NISCH: variants seen among roughly 807,000 people sequenced by gnomAD.
The protein encoded by NISCH is nischarin, also known as I-1 receptor candidate protein.
NISCH carries 55 observed loss-of-function variants against 138.4 expected under a neutral mutation model. The ratio of observed to expected loss-of-function variants is 0.40; its 90% CI spans 0.32 to 0.50. NISCH has a LOEUF of 0.50. Among genes scored for constraint, NISCH ranks in the 20% least tolerant of loss-of-function variants. The pLI is 0.71. For missense variants in NISCH, 1,643 were observed against 2,005.5 expected (o/e 0.82, Z 3.45); for synonymous variants, 860 against 861.5 (o/e 1.00, Z 0.03).
chr3:52,457,079 A>G (rs1209037582), intron 1 of NISCH, among the ~76,000 whole-genome samples: 1 of 152,200 alleles, frequency 6.6e-6, no homozygotes, highest in African/African-American at 2.4e-5. Context: ...AGGCCCATGT[A>G]CAAAGCATTT....
intron 2 of NISCH, among the ~76,000 whole-genome samples, 185 bp downstream of exon 2, chr3:52,458,111 A>C (rs1030632728): frequency 2.0e-5 from 3 of 152,282 alleles, no homozygotes; most frequent in Admixed American, 2.0e-4. Flanking sequence ...CAGCTCTAGC[A>C]TGAGCCACTC....
chr3:52,455,806 G>T, intron 1 of NISCH, 72 bp downstream of exon 1: 2 of 1,141,716 alleles, frequency 1.8e-6, no homozygotes, highest in Non-Finnish European at 2.3e-6. Context: ...GGGGCTTGGG[G>T]AGGGGTCCGG....
At chr3:52,465,595 G>A (rs1016197661) in intron 3 of NISCH, among the ~76,000 whole-genome samples, 13 of 152,296 alleles carry the variant, frequency 8.5e-5, no homozygotes, top group East Asian at 5.8e-4. Flanking sequence ...TCCTGGACGC[G>A]TGGTGACAGG....
In NISCH at chr3:52,478,483, G is replaced by C. The variant is rs1156463416; in HGVS notation, c.1208G>C (p.Cys403Ser). The change falls in exon 11 of 21, where the codon TGT (cysteine) becomes TCT (serine). Residue 403 changes from cysteine to serine, a missense_variant. Physicochemically the swap from Cys to Ser is moderately radical, Grantham distance 112. Coordinates refer to ENST00000345716, the MANE Select transcript of NISCH (RefSeq NM_007184.4). ...GTCCGGAGCATAGGCAGCCTCCCGT[G>C]TCTGGAGCACGTGTCTCTGCTGAAC... is the stretch of plus-strand genomic sequence containing the variant. ...EEVRSIGSLP[C>S]LEHVSLLNNP... 5 of 1,614,102 alleles carry C rather than the reference G, an allele frequency of 3.1e-6. No homozygotes were observed. Among genetic ancestry groups the C allele is most frequent in the Non-Finnish European group, 4.2e-6 (5 of 1,180,038 alleles).
intron 1 of NISCH, among the ~76,000 whole-genome samples, chr3:52,456,422 C>T (rs1266939616): frequency 6.6e-6 from 1 of 152,100 alleles, no homozygotes; most frequent in South Asian, 2.1e-4. Flanking sequence ...AACAAGCTGC[C>T]CACACACACT....
At chr3:52,469,786 A>T (rs1462276727) in intron 3 of NISCH, among the ~76,000 whole-genome samples, 1 of 152,010 alleles carries the variant, frequency 6.6e-6, no homozygotes, top group Non-Finnish European at 1.5e-5. Context: ...ATCTTGGCAC[A>T]TGCCTGTACT....
rs774024488 is a variant in NISCH, at chr3:52,489,571, G to A, written c.3349G>A (p.Glu1117Lys). ...TGAGCACCTCATCCAGGCCACCTCG[G>A]AGGAGAATCAGATCCCCTCGCACTT... ...PSEHLIQATS[E>K]ENQIPSHLPA... The change falls in exon 17 of 21, where the codon GAG becomes AAG. Residue 1117 changes from glutamate to lysine, a missense_variant. Glu to Lys is a moderately conservative substitution (Grantham distance 56). Transcript: ENST00000345716. 2 of 1,613,274 alleles carry A rather than the reference G, an allele frequency of 1.2e-6. No homozygotes were observed. Among genetic ancestry groups the A allele is most frequent in the South Asian group, 2.2e-5 (2 of 91,092 alleles).
intron 3 of NISCH, among the ~76,000 whole-genome samples, chr3:52,462,704 C>T (rs1373641465): frequency 2.0e-5 from 3 of 151,934 alleles, no homozygotes; most frequent in Non-Finnish European, 2.9e-5. Context: ...GGTACGATCT[C>T]GGCTCACTGC....
In NISCH at chr3:52,487,360, A is replaced by G; in HGVS notation, c.1868A>G (p.Glu623Gly). 1 of 1,614,110 alleles carries G rather than the reference A, an allele frequency of 6.2e-7. No individual in the cohort carries two copies. The highest frequency in any genetic ancestry group is 8.5e-7 in the Non-Finnish European group (1 of 1,180,038). Residue 623 changes from glutamate (E) to glycine (G), a missense_variant, in exon 16 of 21, where the codon GAG becomes GGG. Glu to Gly is a moderately conservative substitution (Grantham distance 98). Transcript: ENST00000345716. The surrounding 1 kb of genome is among the most constrained non-coding windows in gnomAD (Gnocchi z 9.1). ...AIERQLPAWI[E>G]AANQREEGQG... Reference sequence around the variant, plus strand: ...GAGCGGCAGCTGCCTGCCTGGATCGAGGCTGCCAACCAGCGGGAGGAGGGC... The same window carrying G: ...GAGCGGCAGCTGCCTGCCTGGATCGGGGCTGCCAACCAGCGGGAGGAGGGC...
chr3:52,491,437 G>C lies in NISCH; in HGVS notation c.3828G>C (p.Leu1276=). 2 of 1,613,480 alleles carry C rather than the reference G, an allele frequency of 1.2e-6. No homozygotes were observed. The highest frequency in any genetic ancestry group is 1.7e-6 in the Non-Finnish European group (2 of 1,179,996). The change falls in exon 20 of 21, where the codon CTG becomes CTC. Residue 1276 remains leucine (L), a synonymous_variant. Coordinates refer to ENST00000345716, the MANE Select transcript of NISCH (RefSeq NM_007184.4). ...TCCTCCAGCACCTCATGGTCGTGCTGTCCTCTCTGGAACGCACGCCCTCGC... is the reference window on the plus strand; with the variant it reads ...TCCTCCAGCACCTCATGGTCGTGCTCTCCTCTCTGGAACGCACGCCCTCGC... The part of the protein sequence containing the change: ...HCFLQHLMVV[L]SSLERTPSPE...
intron 13 of NISCH, chr3:52,480,963 T>C (rs1337049960): frequency 1.4e-5 from 21 of 1,493,248 alleles, no homozygotes; most frequent in Non-Finnish European, 1.7e-5. Flanking sequence ...GGGTGTGCCG[T>C]CCCGAGTGGA....
At chr3:52,483,842 G>A (rs1707338325) in intron 13 of NISCH, among the ~76,000 whole-genome samples, 1 of 152,246 alleles carries the variant, frequency 6.6e-6, no homozygotes, top group African/African-American at 2.4e-5. Flanking sequence ...CTTGATGGAT[G>A]TACCTCCAAA....
intron 13 of NISCH, chr3:52,481,030 A>C (rs1707256514): frequency 7.2e-7 from 1 of 1,383,498 alleles, no homozygotes. Flanking sequence ...CTGGAGACGC[A>C]GAACTTGGTG....
At position 52,492,650 on chromosome 3, in the gene NISCH, G is replaced by C; in HGVS notation, c.*168G>C. On this transcript the variant is annotated 3_prime_UTR_variant, in exon 21 of 21. Coordinates refer to ENST00000345716, the MANE Select transcript of NISCH (RefSeq NM_007184.4). ...TGTTGTGTTAATTCTTTCTCATGTT[G>C]GGAGTGAGAATGCCGGGCCCCTCAG... is the stretch of plus-strand genomic sequence containing the variant. 3.0e-6 allele frequency: 3 copies of C among 1,008,590 alleles called. No individual in the cohort carries two copies. In the South Asian group the frequency reaches 5.4e-5, roughly 18 times the overall value. 62.5% of individuals were successfully genotyped at this position (1,008,590 alleles called of 1,614,324 possible). A position where few individuals can be genotyped will look rare whatever the true frequency, so the allele number is the denominator to read the frequency against.
chr3:52,489,440 A>G lies in NISCH; in HGVS notation c.3218A>G (p.Lys1073Arg). 1.2e-6 allele frequency: 2 copies of G among 1,603,074 alleles called. No individual in the cohort carries two copies. Among genetic ancestry groups the G allele is most frequent in the South Asian group, 2.2e-5 (2 of 90,856 alleles). The change falls in exon 17 of 21, where the codon AAG becomes AGG. Residue 1073 changes from lysine to arginine, a missense_variant. Coordinates refer to ENST00000345716, the MANE Select transcript of NISCH (RefSeq NM_007184.4). ...PAAASASGPAKTPAPAEASTS... is the reference protein window; with the variant it reads ...PAAASASGPARTPAPAEASTS... ...GCAGCCTCAGCCTCAGGCCCAGCGA[A>G]GACTCCGGCCCCAGCAGAGGCCTCA...
At position 52,490,163 on chromosome 3, in the gene NISCH, T is replaced by C; in HGVS notation, c.3545T>C (p.Leu1182Pro). The C allele has an allele frequency of 6.2e-7, 1 of 1,613,516 alleles. No individual in the cohort carries two copies. The highest frequency in any genetic ancestry group is 8.5e-7 in the Non-Finnish European group (1 of 1,180,002). Reference sequence around the variant, plus strand: ...CTGGAGGTGACTGCCTGCGTGCTGCTCTCCACCAAGGCTGTGTACTTTGTG... The same window carrying C: ...CTGGAGGTGACTGCCTGCGTGCTGCCCTCCACCAAGGCTGTGTACTTTGTG... ...PGLEVTACVL[L>P]STKAVYFVLH... is the part of the protein sequence containing the mutation. The change falls in exon 18 of 21, where the codon CTC becomes CCC. Residue 1182 changes from leucine to proline, a missense_variant. Coordinates refer to ENST00000345716, the MANE Select transcript of NISCH (RefSeq NM_007184.4).
Position 52,478,134 on chromosome 3 carries a change from A to G in NISCH, c.1025A>G (p.Asn342Ser), listed in dbSNP as rs1332990090. The change falls in exon 10 of 21, where the codon AAC becomes AGC. Residue 342 changes from asparagine to serine, a missense_variant. By Grantham distance (46) the Asn-to-Ser change is conservative (BLOSUM62 1). Coordinates refer to ENST00000345716, the MANE Select transcript of NISCH (RefSeq NM_007184.4). Reference sequence around the variant, plus strand: ...CTTGTGCATCTGGACCTGTCCTACAACAAGCTCTCCTCCTTGGAAGGGCTT... The same window carrying G: ...CTTGTGCATCTGGACCTGTCCTACAGCAAGCTCTCCTCCTTGGAAGGGCTT... Reference protein sequence around the residue: ...YNLVHLDLSYNKLSSLEGLHT... With the variant: ...YNLVHLDLSYSKLSSLEGLHT... 1.2e-6 allele frequency: 2 copies of G among 1,613,960 alleles called. No homozygotes were observed. Among genetic ancestry groups the G allele is most frequent in the Admixed American group, 1.7e-5 (1 of 59,996 alleles).
intron 7 of NISCH, among the ~76,000 whole-genome samples, chr3:52,474,431 G>A (rs1707042435): frequency 6.6e-6 from 1 of 152,086 alleles, no homozygotes; most frequent in South Asian, 2.1e-4. Flanking sequence ...CAAGTAGCTG[G>A]GACTACAGGT....
At position 52,491,827 on chromosome 3, in the gene NISCH, C is replaced by A. The variant is rs376494990; in HGVS notation, c.3905-45C>A. On this transcript the variant is annotated intron_variant, in intron 20 of 20. Transcript: ENST00000345716. The stretch of plus-strand genomic sequence containing the variant: ...GGGCCCTTGGTGCTCCCAGCCCCAC[C>A]AGGGGCCGGTTCCAGGCTATAGCCC... 3.3e-6 allele frequency: 5 copies of A among 1,529,700 alleles called. No individual in the cohort carries two copies. The African/African-American group carries it at 4.2e-5, about 13-fold the overall frequency. 94.8% of individuals were successfully genotyped at this position (1,529,700 alleles called of 1,614,324 possible). A position where few individuals can be genotyped will look rare whatever the true frequency, so the allele number is the denominator to read the frequency against.
Sources: gnomAD v4.1 joint callset for allele counts (sites outside exome capture counted in the v4.1 genomes callset) on GRCh38, gnomAD v4.1.1 for gene constraint, Gnocchi (gnomAD v3.1) non-coding constraint, MANE v1.5 for transcripts, NCBI Gene and HGNC (gene_info 2026-07-23, HGNC 2026-07-21) for gene names.